The following AKAP19 variants were observed in gnomAD, a reference collection of about 807,000 sequenced individuals.
The protein encoded by AKAP19 is small A-kinase anchoring protein.
chr2:190,068,605 G>A, the AKAP19 span, among the ~76,000 whole-genome samples: 2 of 152,162 alleles, frequency 1.3e-5, no homozygotes, highest in Non-Finnish European at 2.9e-5. Flanking sequence ...AAAGTGCTGG[G>A]ATTACAGACG....
chr2:190,017,765 G>T, the AKAP19 span, among the ~76,000 whole-genome samples: 34 of 152,008 alleles, frequency 2.2e-4, no homozygotes, highest in Non-Finnish European at 4.3e-4. Context: ...GCTTTCTTTT[G>T]TTTTATGTTA....
chr2:189,925,820 G>GA, the AKAP19 span, among the ~76,000 whole-genome samples: 3 of 151,978 alleles, frequency 2.0e-5, no homozygotes, highest in Admixed American at 6.6e-5. Flanking sequence ...AGTAGAGAGA[G>GA]AAAAAATCAA....
At chr2:190,193,348 CTGGGT>C in the AKAP19 span, among the ~76,000 whole-genome samples, 205 of 152,164 alleles carry the variant, frequency 1.3e-3, no homozygotes, top group African/African-American at 4.8e-3. Context: ...TTGCCAACTT[CTGGGT>C]CTATGTTCAT....
the AKAP19 span, among the ~76,000 whole-genome samples, chr2:190,043,975 T>C: frequency 6.6e-6 from 1 of 152,176 alleles, no homozygotes; most frequent in Non-Finnish European, 1.5e-5. Context: ...GTATTTTTGG[T>C]GTTAAAACTT....
At chr2:190,073,790 G>C in the AKAP19 span, among the ~76,000 whole-genome samples, 1 of 151,680 alleles carries the variant, frequency 6.6e-6, no homozygotes, top group Non-Finnish European at 1.5e-5. Context: ...GGTGGCTCAC[G>C]CCTGTAATCC....
At chr2:190,132,130 A>C in the AKAP19 span, among the ~76,000 whole-genome samples, 1 of 152,232 alleles carries the variant, frequency 6.6e-6, no homozygotes, top group East Asian at 1.9e-4. Flanking sequence ...ACCGAAAGCT[A>C]TAAAACATTT....
chr2:189,938,748 T>C, the AKAP19 span, among the ~76,000 whole-genome samples: 334 of 152,348 alleles, frequency 2.2e-3, 1 homozygote, highest in Non-Finnish European at 3.6e-3. Flanking sequence ...GGATAAATGC[T>C]TGGGGGAATG....
the AKAP19 span, among the ~76,000 whole-genome samples, chr2:189,991,680 T>A: frequency 6.6e-6 from 1 of 152,248 alleles, no homozygotes; most frequent in Non-Finnish European, 1.5e-5. Flanking sequence ...TCTTTTGATG[T>A]GCAGAAGCTT....
chr2:190,181,024 G>A, the AKAP19 span: 2 of 985,502 alleles, frequency 2.0e-6, no homozygotes, highest in Non-Finnish European at 2.4e-6. Context: ...TCGGAGACCC[G>A]CCCCGGGCCT....
the AKAP19 span, among the ~76,000 whole-genome samples, chr2:189,957,918 C>T: frequency 8.5e-5 from 13 of 152,200 alleles, no homozygotes; most frequent in African/African-American, 2.2e-4. Context: ...CTTGGCCTCC[C>T]GAGTAGCAGG....
the AKAP19 span, among the ~76,000 whole-genome samples, chr2:189,933,773 T>A: frequency 1.3e-5 from 2 of 152,174 alleles, no homozygotes; most frequent in Admixed American, 6.5e-5. Context: ...TCTGATTTTT[T>A]AAAAACCTGC....
the AKAP19 span, among the ~76,000 whole-genome samples, chr2:189,908,176 A>T: frequency 6.8e-6 from 1 of 146,012 alleles, no homozygotes; most frequent in Admixed American, 6.9e-5. Flanking sequence ...TATTTTCTTC[A>T]TGTAGATGTT....
At chr2:190,121,111 G>A in the AKAP19 span, among the ~76,000 whole-genome samples, 1 of 140,012 alleles carries the variant, frequency 7.1e-6, no homozygotes, top group Non-Finnish European at 1.6e-5. Flanking sequence ...AAAAATCTAA[G>A]TCTTTTTTTT....
the AKAP19 span, among the ~76,000 whole-genome samples, chr2:190,129,917 C>T: frequency 6.6e-6 from 1 of 152,144 alleles, no homozygotes; most frequent in Non-Finnish European, 1.5e-5. Flanking sequence ...CCTTCCCATC[C>T]AGCCCAGGAT....
At chr2:190,174,049 A>C in the AKAP19 span, among the ~76,000 whole-genome samples, 1 of 151,704 alleles carries the variant, frequency 6.6e-6, no homozygotes, top group Non-Finnish European at 1.5e-5. Context: ...TCACCCTGCC[A>C]CTCCGGCTCC....
the AKAP19 span, chr2:189,930,887 G>A: frequency 5.6e-6 from 4 of 720,438 alleles, no homozygotes; most frequent in Non-Finnish European, 1.0e-5. Context: ...GCTGGAACCT[G>A]TTCCTGATAT....
At chr2:189,918,969 TGTTA>T in the AKAP19 span, among the ~76,000 whole-genome samples, 1 of 152,242 alleles carries the variant, frequency 6.6e-6, no homozygotes, top group Non-Finnish European at 1.5e-5. Flanking sequence ...CTTTCCATGG[TGTTA>T]GTTACCTCTA....
chr2:189,917,684 A>G, the AKAP19 span: 1 of 258,564 alleles, frequency 3.9e-6, no homozygotes, highest in Non-Finnish European at 7.6e-6. Flanking sequence ...CATTAGGTTG[A>G]TCTTGAGAAG....
the AKAP19 span, among the ~76,000 whole-genome samples, chr2:189,942,743 C>A: frequency 6.6e-6 from 1 of 152,192 alleles, no homozygotes; most frequent in African/African-American, 2.4e-5. Flanking sequence ...CTAAGGCAGT[C>A]ATATGTGTTA....
Sources: allele counts gnomAD v4.1 joint callset (sites outside exome capture counted in the v4.1 genomes callset), GRCh38; gene constraint gnomAD v4.1.1; transcripts MANE v1.5; gene names NCBI Gene and HGNC (gene_info 2026-07-23, HGNC 2026-07-21).